LRP1B: variants seen among roughly 807,000 people sequenced by gnomAD.
The protein encoded by LRP1B is low-density lipoprotein receptor-related protein 1B.
LRP1B carries 217 observed loss-of-function variants against 556.6 expected under a neutral mutation model. The ratio of observed to expected loss-of-function variants is 0.39; its 90% CI spans 0.35 to 0.44. The LOEUF is 0.44. Ranked by LOEUF, LRP1B falls within the 20% of genes least tolerant of loss-of-function variation. The pLI, the probability that LRP1B is intolerant of heterozygous loss-of-function variation, is 1.00. For missense variants in LRP1B, 5,053 were observed against 5,620.8 expected (o/e 0.90, Z 3.23); for synonymous variants, 2,047 against 1,865.8 (o/e 1.10, Z -2.50).
intron 2 of LRP1B, among the ~76,000 whole-genome samples, chr2:141,600,886 G>A (rs1221180293): frequency 6.6e-6 from 1 of 152,050 alleles, no homozygotes; most frequent in Non-Finnish European, 1.5e-5. Context: ...GTTGGCATCC[G>A]AACAGAACCT....
chr2:141,372,693 A>G (rs915451696), intron 3 of LRP1B, among the ~76,000 whole-genome samples: 1 of 151,968 alleles, frequency 6.6e-6, no homozygotes, highest in African/African-American at 2.4e-5. Context: ...GTCTCTCATG[A>G]TATTTTTAAT....
chr2:140,994,936 A>G (rs1697198559), intron 15 of LRP1B, among the ~76,000 whole-genome samples: 1 of 152,008 alleles, frequency 6.6e-6, no homozygotes, highest in Admixed American at 6.6e-5. Context: ...TCTGGCAACA[A>G]GTATTCTACT....
intron 1 of LRP1B, among the ~76,000 whole-genome samples, chr2:142,121,673 TTC>T (rs1435011726): frequency 1.3e-5 from 2 of 151,558 alleles, no homozygotes; most frequent in Non-Finnish European, 3.0e-5. Context: ...TTATTTTTCT[TTC>T]TTTTTAGCAA....
chr2:141,557,604 T>C (rs551529916), intron 2 of LRP1B, among the ~76,000 whole-genome samples: 2 of 151,892 alleles, frequency 1.3e-5, no homozygotes, highest in Non-Finnish European at 2.9e-5. Flanking sequence ...TTCTCATTCA[T>C]TCATGGGCTG....
chr2:141,430,670 T>C (rs918465551), intron 3 of LRP1B, among the ~76,000 whole-genome samples: 7 of 152,150 alleles, frequency 4.6e-5, no homozygotes, highest in Admixed American at 6.5e-5. Flanking sequence ...GGTCACATTA[T>C]TGGCATTAAT....
chr2:141,035,937 A>T (rs1466851306), intron 11 of LRP1B, among the ~76,000 whole-genome samples: 1 of 152,124 alleles, frequency 6.6e-6, no homozygotes, highest in African/African-American at 2.4e-5. Flanking sequence ...AAACAGTTTT[A>T]AAAACTATTT....
At chr2:140,805,839 A>G (rs1690694461) in intron 32 of LRP1B, among the ~76,000 whole-genome samples, 2 of 152,178 alleles carry the variant, frequency 1.3e-5, no homozygotes, top group South Asian at 2.1e-4. Context: ...AGAATTATAT[A>G]TGTGCTTGTG....
In LRP1B at chr2:140,872,360, A is replaced by ATTTTT. The variant is rs59469282; in HGVS notation, c.4170-4102_4170-4098dup. Among the ~76,000 whole-genome samples the ATTTTT allele has an allele frequency of 2.1e-3, 125 of 60,484 alleles. 12 individuals are homozygous for ATTTTT. In the East Asian group the frequency reaches 0.027, roughly 13 times the overall value. 39.7% of individuals were successfully genotyped at this position (60,484 alleles called of 152,430 possible). On this transcript the variant is annotated intron_variant, in intron 25 of 90. Coordinates refer to ENST00000389484, the MANE Select transcript of LRP1B (RefSeq NM_018557.3). ...GCTTGCTTTTGTATTGTGTCACCTG[A>ATTTTT]TTTTTTTTTTTTTTTTTTTTTTTTT... is the stretch of plus-strand genomic sequence containing the variant.
At chr2:140,493,972 C>T (rs1688810149) in intron 56 of LRP1B, among the ~76,000 whole-genome samples, 1 of 152,130 alleles carries the variant, frequency 6.6e-6, no homozygotes, top group Middle Eastern at 3.2e-3. Context: ...CCTTGCCACT[C>T]TGTCAATAGA....
At chr2:141,468,976 A>T (rs976297746) in intron 3 of LRP1B, among the ~76,000 whole-genome samples, 2 of 152,174 alleles carry the variant, frequency 1.3e-5, no homozygotes, top group African/African-American at 4.8e-5. Context: ...TTACAACCAC[A>T]GTGGGTTGTT....
chr2:141,683,783 C>T (rs1480220151), intron 2 of LRP1B, among the ~76,000 whole-genome samples: 2 of 152,100 alleles, frequency 1.3e-5, no homozygotes, highest in Non-Finnish European at 2.9e-5. Flanking sequence ...GTGCTTTAGA[C>T]TAGAAAGCCA....
At chr2:141,150,572 C>G (rs539067918) in intron 7 of LRP1B, among the ~76,000 whole-genome samples, 1 of 152,088 alleles carries the variant, frequency 6.6e-6, no homozygotes, top group Non-Finnish European at 1.5e-5. Context: ...TTCTTTGCTA[C>G]GAGAAAGTTA....
intron 6 of LRP1B, among the ~76,000 whole-genome samples, chr2:141,213,688 T>G (rs540859331): frequency 6.6e-6 from 1 of 152,376 alleles, no homozygotes; most frequent in South Asian, 2.1e-4. Flanking sequence ...CTTCTGTTTG[T>G]GTATAACCTA....
At chr2:141,474,032 C>CTTCCTTCCTTCCTTCCT (rs1559091423) in intron 3 of LRP1B, among the ~76,000 whole-genome samples, 1 of 121,788 alleles carries the variant, frequency 8.2e-6, no homozygotes, top group Non-Finnish European at 1.6e-5. Context: ...TCCTTCCTTC[C>CTTCCTTCCTTCCTTCCT]TTCCTTCCTT....
At chr2:141,213,520 G>A (rs1025115407) in intron 6 of LRP1B, among the ~76,000 whole-genome samples, 2 of 151,980 alleles carry the variant, frequency 1.3e-5, no homozygotes, top group Non-Finnish European at 2.9e-5. Context: ...CACAGCTTTG[G>A]GACATGGGAA....
intron 1 of LRP1B, among the ~76,000 whole-genome samples, chr2:142,002,945 G>A (rs534403699): frequency 2.0e-5 from 3 of 152,296 alleles, no homozygotes; most frequent in East Asian, 1.9e-4. Context: ...CTCTAATGAG[G>A]ATGTGAACAT....
At chr2:141,974,501 C>T (rs559040761) in intron 1 of LRP1B, among the ~76,000 whole-genome samples, 21 of 152,010 alleles carry the variant, frequency 1.4e-4, no homozygotes, top group Admixed American at 8.5e-4. Context: ...TTAAACAGTA[C>T]GGGTTCTGAT....
chr2:141,234,455 C>T (rs1425676109), intron 5 of LRP1B, among the ~76,000 whole-genome samples: 1 of 152,088 alleles, frequency 6.6e-6, no homozygotes, highest in Non-Finnish European at 1.5e-5. Flanking sequence ...CAGCTCACTG[C>T]AACTTCTGCC....
At chr2:140,315,640 A>G (rs1478884889) in intron 82 of LRP1B, among the ~76,000 whole-genome samples, 1 of 152,058 alleles carries the variant, frequency 6.6e-6, no homozygotes, top group Non-Finnish European at 1.5e-5. Flanking sequence ...AAAGTATTAT[A>G]TTTTCCAACC....
Sources: gnomAD v4.1 joint callset for allele counts (sites outside exome capture counted in the v4.1 genomes callset) on GRCh38, gnomAD v4.1.1 for gene constraint, MANE v1.5 for transcripts, NCBI Gene and HGNC (gene_info 2026-07-23, HGNC 2026-07-21) for gene names.